SPTBN4: variants seen among roughly 807,000 people sequenced by gnomAD.
SPTBN4 encodes the protein spectrin beta chain, non-erythrocytic 4.
A neutral mutation model predicts 277.8 loss-of-function variants in SPTBN4; 96 were observed. The ratio of observed to expected loss-of-function variants is 0.35; its 90% CI spans 0.29 to 0.41. The LOEUF (loss-of-function observed/expected upper bound fraction) is 0.41. Ranked by LOEUF, SPTBN4 falls within the 10% of genes least tolerant of loss-of-function variation. The pLI, the probability that SPTBN4 is intolerant of heterozygous loss-of-function variation, is 1.00. For missense variants in SPTBN4, 3,006 were observed against 3,595.7 expected, an observed-to-expected ratio of 0.84 and a Z score of 4.19; for synonymous variants, 1,481 against 1,580.3, an observed-to-expected ratio of 0.94 and a Z score of 1.49.
chr19:40,496,585 G>A (rs1022703566), intron 6 of SPTBN4, among the ~76,000 whole-genome samples: 1 of 152,102 alleles, frequency 6.6e-6, no homozygotes, highest in African/African-American at 2.4e-5. Context: ...TGCCCGGCTG[G>A]CAGGTGCTAT....
At position 40,554,123 on chromosome 19, in the gene SPTBN4, C is replaced by T. The variant is rs749322860; in HGVS notation, c.4675-24C>T. 6 of 1,420,750 alleles carry T rather than the reference C, an allele frequency of 4.2e-6. No homozygotes were observed. Among genetic ancestry groups the T allele is most frequent in the Non-Finnish European group, 5.4e-6 (6 of 1,101,288 alleles). 88.0% of individuals were successfully genotyped at this position (1,420,750 alleles called of 1,614,324 possible). A position where few individuals can be genotyped will look rare whatever the true frequency, so the allele number is the denominator to read the frequency against. On this transcript the variant is annotated intron_variant, in intron 22 of 35. Transcript: ENST00000598249. This position sits in a 1 kb window ranked among gnomAD's most constrained non-coding sequence, Gnocchi z 5.7. ...CCTCGGAACGCCCCCTCTCCACCCA[C>T]ATCCCCTTACCTCCTGCCCCCAGGG... is the stretch of plus-strand genomic sequence containing the variant.
Position 40,532,622 on chromosome 19 carries a change from C to A in SPTBN4, c.3949-3C>A. On this transcript the variant is annotated splice_polypyrimidine_tract_variant and splice_region_variant and intron_variant, in intron 18 of 35. Coordinates refer to ENST00000598249, the MANE Select transcript of SPTBN4 (RefSeq NM_020971.3). ...CTGAGCCCTCCTGCCCTGTTCTGCA[C>A]AGCTGGATGGCTGGATCCATGAGAA... The A allele has an allele frequency of 6.2e-7, 1 of 1,612,416 alleles. No homozygotes were observed. Among genetic ancestry groups the A allele is most frequent in the Non-Finnish European group, 8.5e-7 (1 of 1,179,086 alleles).
chr19:40,565,385 T>C (rs1461823659), intron 27 of SPTBN4, 38 bp from the exon 28 acceptor site: 1 of 1,589,328 alleles, frequency 6.3e-7, no homozygotes, highest in Non-Finnish European at 8.6e-7. Flanking sequence ...CTGAGGAGGC[T>C]CCCTGTGGCT....
Position 40,502,244 on chromosome 19 carries a change from C to T in SPTBN4, c.1014C>T (p.Ala338=). The T allele has an allele frequency of 6.2e-7, 1 of 1,613,190 alleles. No individual in the cohort carries two copies. The highest frequency in any genetic ancestry group is 8.5e-7 in the Non-Finnish European group (1 of 1,179,634). ...TVGLISNQKF[A]NSLSGVQQQL... is the part of the protein sequence containing the mutation. ...GCCTCATCAGCAATCAGAAATTTGC[C>T]AACTCCTTAAGTGGGGTGCAGCAGC... Residue 338 remains alanine (A), a synonymous_variant, in exon 9 of 36, where the codon GCC becomes GCT. Coordinates refer to ENST00000598249, the MANE Select transcript of SPTBN4 (RefSeq NM_020971.3). The surrounding 1 kb of genome is among the most constrained non-coding windows in gnomAD (Gnocchi z 4.9).
At chr19:40,536,935 AC>A (rs1192460937) in intron 20 of SPTBN4, among the ~76,000 whole-genome samples, 2 of 150,454 alleles carry the variant, frequency 1.3e-5, no homozygotes, top group Non-Finnish European at 3.0e-5. Context: ...ACGGACCCAC[AC>A]CACCATGCCT....
chr19:40,519,480 G>C lies in SPTBN4; in HGVS notation c.2983G>C (p.Glu995Gln), dbSNP rs750181241. Residue 995 changes from glutamate to glutamine, a missense_variant, in exon 16 of 36, where the codon GAG becomes CAG. This residue lies in a region of SPTBN4 where 1,759 missense variants were observed against 2,061.5 expected (regional missense o/e 0.85). Transcript: ENST00000598249. The surrounding 1 kb of genome is among the most constrained non-coding windows in gnomAD (Gnocchi z 5.7). ...GCTGCTGGTGGAGAACCACGTGCTG[G>C]AGGTGGCCGAGGTGCGCGCCCAGGT... ...AVLLVENHVL[E>Q]VAEVRAQVRE... The C allele has an allele frequency of 5.6e-6, 9 of 1,608,246 alleles. No individual in the cohort carries two copies. Among genetic ancestry groups the C allele is most frequent in the Non-Finnish European group, 5.9e-6 (7 of 1,178,312 alleles).
At chr19:40,488,625 C>T (rs56058644) in intron 3 of SPTBN4, among the ~76,000 whole-genome samples, 23,765 of 151,910 alleles carry the variant, frequency 0.16, 2,432 homozygotes, top group African/African-American at 0.29. Context: ...ACCCCCGTCT[C>T]TACGGTTTGT....
At chr19:40,570,114 C>T (rs2081139828) in intron 32 of SPTBN4, among the ~76,000 whole-genome samples, 1 of 151,876 alleles carries the variant, frequency 6.6e-6, no homozygotes, top group Non-Finnish European at 1.5e-5. Flanking sequence ...TTCATAGCCT[C>T]ATACACACAC....
At chr19:40,572,943 C>T (rs1200163251) in intron 35 of SPTBN4, among the ~76,000 whole-genome samples, 2 of 151,990 alleles carry the variant, frequency 1.3e-5, no homozygotes, top group Non-Finnish European at 2.9e-5. Flanking sequence ...TGGGGGACAA[C>T]AGCGAGACTT....
intron 20 of SPTBN4, among the ~76,000 whole-genome samples, chr19:40,542,315 C>T (rs945123934): frequency 2.0e-5 from 3 of 152,166 alleles, no homozygotes; most frequent in African/African-American, 4.8e-5. Context: ...GTACCACACC[C>T]GCTGCTGCAG....
chr19:40,470,744 T>C (rs2079875282), intron 1 of SPTBN4, among the ~76,000 whole-genome samples: 1 of 152,028 alleles, frequency 6.6e-6, no homozygotes, highest in Non-Finnish European at 1.5e-5. Context: ...ACGATTCTCC[T>C]CCCTCAGCCT....
rs1316236005 is a variant in SPTBN4 at position 40,549,038 on chromosome 19, G to A, written c.4360-151G>A. On this transcript the variant is annotated intron_variant, in intron 20 of 35. Transcript: ENST00000598249. ...GCTTAGTGTGATGCAGGTTCATGCG[G>A]AGCGCATCGCTCCTGGAGGGGACTG... is the stretch of plus-strand genomic sequence containing the variant. The A allele has an allele frequency of 1.1e-5, 7 of 619,932 alleles. No homozygotes were observed. In the African/African-American group the frequency reaches 1.3e-4, roughly 12 times the overall value. The allele number at this position is 619,932 out of a possible 1,614,324, so 38.4% of individuals were successfully genotyped here.
chr19:40,485,784 C>T (rs1007777253), intron 2 of SPTBN4, among the ~76,000 whole-genome samples: 7 of 151,172 alleles, frequency 4.6e-5, no homozygotes, highest in South Asian at 4.2e-4. Context: ...CAAGCCTAGG[C>T]GGCAGAGTGA....
intron 27 of SPTBN4, among the ~76,000 whole-genome samples, chr19:40,562,624 C>T (rs2081054435): frequency 6.7e-6 from 1 of 149,926 alleles, no homozygotes; most frequent in African/African-American, 2.5e-5. Flanking sequence ...CACTTGAGGT[C>T]GGGAGTTCGA....
At position 40,568,233 on chromosome 19, in the gene SPTBN4, C is replaced by A; in HGVS notation, c.6907C>A (p.Gln2303Lys). The A allele has an allele frequency of 1.9e-6, 3 of 1,602,302 alleles. No individual in the cohort carries two copies. The highest frequency in any genetic ancestry group is 1.7e-5 in the Admixed American group (1 of 58,460). ...RERRERRLER[Q>K]ESSEQEMPIR... Reference sequence around the variant, plus strand: ...GCGGCGTGAGCGGCGCTTGGAGCGGCAGGAGTCCAGCGAACAGGAGATGCC... The same window carrying A: ...GCGGCGTGAGCGGCGCTTGGAGCGGAAGGAGTCCAGCGAACAGGAGATGCC... Residue 2303 changes from glutamine (Q) to lysine (K), a missense_variant, in exon 31 of 36, where the codon CAG (glutamine) becomes AAG (lysine). Gln to Lys is a moderately conservative substitution (Grantham distance 53, BLOSUM62 1). Transcript: ENST00000598249.
At position 40,560,055 on chromosome 19, in the gene SPTBN4, G is replaced by T; in HGVS notation, c.5671-104G>T. On this transcript the variant is annotated intron_variant, in intron 26 of 35. Transcript: ENST00000598249. This position sits in a 1 kb window ranked among gnomAD's most constrained non-coding sequence, Gnocchi z 5.2. ...GAGCCTGGCTGTGGGATCACAGTGTGAGGCTCCTTATATCTTGAGGTTCTG... is the reference window on the plus strand; with the variant it reads ...GAGCCTGGCTGTGGGATCACAGTGTTAGGCTCCTTATATCTTGAGGTTCTG... 1 of 1,443,948 alleles carries T rather than the reference G, an allele frequency of 6.9e-7. No individual in the cohort carries two copies. The highest frequency in any genetic ancestry group is 9.1e-7 in the Non-Finnish European group (1 of 1,103,020). The allele number at this position is 1,443,948 out of a possible 1,614,324, so 89.4% of individuals were successfully genotyped here.
intron 20 of SPTBN4, among the ~76,000 whole-genome samples, chr19:40,538,245 C>T (rs1286346599): frequency 1.3e-5 from 2 of 152,192 alleles, no homozygotes; most frequent in East Asian, 1.9e-4. Context: ...AAAAATTAGC[C>T]GAACGTGGTG....
At chr19:40,524,411 A>T in intron 17 of SPTBN4, 1 of 268,308 alleles carries the variant, frequency 3.7e-6, no homozygotes, top group Non-Finnish European at 7.6e-6. Context: ...TGAGGCTGAG[A>T]TGGGAGGACT....
intron 22 of SPTBN4, 63 bp downstream of exon 22, chr19:40,550,390 A>G: frequency 6.6e-7 from 1 of 1,506,456 alleles, no homozygotes; most frequent in Middle Eastern, 1.7e-4. Flanking sequence ...GAAACAGCTG[A>G]AGGTGGTTAA....
Sources: gnomAD v4.1 joint callset for allele counts (sites outside exome capture counted in the v4.1 genomes callset) on GRCh38, gnomAD v4.1.1 for gene constraint, gnomAD v4.1.1 regional missense constraint, Gnocchi (gnomAD v3.1) non-coding constraint, MANE v1.5 for transcripts, NCBI Gene and HGNC (gene_info 2026-07-23, HGNC 2026-07-21) for gene names.